The following MEIS1 variants were observed in gnomAD, a reference collection of about 807,000 sequenced individuals.
MEIS1 encodes the protein Meis homeobox 1.
Under a neutral mutation model 50.8 loss-of-function variants are expected in MEIS1, and 5 were observed. The ratio of observed to expected loss-of-function variants is 0.10; its 90% CI spans 0.05 to 0.21. MEIS1 has a LOEUF of 0.21. Among genes scored for constraint, MEIS1 ranks in the 10% least tolerant of loss-of-function variants. MEIS1 has a pLI of 1.00. For missense variants in MEIS1, 318 were observed against 517.3 expected (o/e 0.61, Z 3.74); for synonymous variants, 176 against 179.3 (o/e 0.98, Z 0.15).
intron 9 of MEIS1, among the ~76,000 whole-genome samples, chr2:66,549,539 A>T (rs1183433446): frequency 1.3e-5 from 2 of 152,114 alleles, no homozygotes; most frequent in Non-Finnish European, 2.9e-5. Context: ...TTGAAATATA[A>T]TATCCTGGAT....
chr2:66,464,999 C>A (rs1166978825), intron 7 of MEIS1, among the ~76,000 whole-genome samples: 1 of 152,136 alleles, frequency 6.6e-6, no homozygotes, highest in Non-Finnish European at 1.5e-5. Context: ...AAAGAGAATT[C>A]TTTATCTGAA....
intron 7 of MEIS1, among the ~76,000 whole-genome samples, chr2:66,510,656 T>G (rs1353871145): frequency 2.0e-5 from 3 of 152,160 alleles, no homozygotes; most frequent in African/African-American, 7.2e-5. Flanking sequence ...CAACAAACTT[T>G]CTAAACTTCA....
intron 8 of MEIS1, among the ~76,000 whole-genome samples, chr2:66,542,337 C>T (rs1674675907): frequency 6.6e-6 from 1 of 151,770 alleles, no homozygotes; most frequent in Non-Finnish European, 1.5e-5. Context: ...GAGTTTAGCT[C>T]AAGGTCAACT....
At chr2:66,567,749 TCA>T (rs1419417704) in intron 10 of MEIS1, 10 of 636,276 alleles carry the variant, frequency 1.6e-5, no homozygotes, top group South Asian at 1.5e-4. Flanking sequence ...AATAATATGC[TCA>T]GTTACAATAT....
intron 7 of MEIS1, among the ~76,000 whole-genome samples, chr2:66,509,906 C>G (rs932829086): frequency 1.3e-5 from 2 of 152,186 alleles, no homozygotes. Flanking sequence ...AATGAATTCT[C>G]TTCTAGGCAG....
chr2:66,551,193 T>G (rs1358042732), intron 9 of MEIS1, among the ~76,000 whole-genome samples: 1 of 152,170 alleles, frequency 6.6e-6, no homozygotes, highest in East Asian at 1.9e-4. Context: ...AAGTTAGGCT[T>G]TGACTGAAAA....
At chr2:66,518,847 T>G (rs1293448705) in intron 8 of MEIS1, among the ~76,000 whole-genome samples, 1 of 152,160 alleles carries the variant, frequency 6.6e-6, no homozygotes, top group African/African-American at 2.4e-5. Context: ...CACAGGAAAA[T>G]CAGATAGATT....
chr2:66,494,384 ATTTTTCTACTGCCTCCCCT>A (rs1394194116), intron 7 of MEIS1, among the ~76,000 whole-genome samples: 3 of 152,176 alleles, frequency 2.0e-5, no homozygotes, highest in African/African-American at 7.2e-5. Flanking sequence ...AGGCAAAGGT[ATTTTTCTACTGCCTCCCCT>A]TCCCACAAAC....
At chr2:66,530,632 C>T (rs952380934) in intron 8 of MEIS1, among the ~76,000 whole-genome samples, 4 of 151,888 alleles carry the variant, frequency 2.6e-5, no homozygotes, top group Admixed American at 6.6e-5. Flanking sequence ...AGGAGAATGG[C>T]GTGAACCTGG....
At position 66,439,903 on chromosome 2, in the gene MEIS1, C is replaced by T. The variant is rs1397363316; in HGVS notation, c.300C>T (p.Thr100=). 1.9e-6 allele frequency: 3 copies of T among 1,613,794 alleles called. No individual in the cohort carries two copies. Among genetic ancestry groups the T allele is most frequent in the Non-Finnish European group, 2.5e-6 (3 of 1,179,838 alleles). The part of the protein sequence containing the change: ...IFEKCELATC[T]PREPGVAGGD... ...AGAAATGTGAATTAGCTACTTGTAC[C>T]CCCCGCGAGCCGGGGGTGGCGGGCG... is the stretch of plus-strand genomic sequence containing the variant. The change falls in exon 3 of 13, where the codon ACC becomes ACT. Residue 100 remains threonine (T), a synonymous_variant. Coordinates refer to ENST00000272369, the MANE Select transcript of MEIS1 (RefSeq NM_002398.3).
intron 8 of MEIS1, among the ~76,000 whole-genome samples, chr2:66,512,758 T>C (rs1363933322): frequency 1.3e-5 from 2 of 152,188 alleles, no homozygotes; most frequent in Non-Finnish European, 2.9e-5. Context: ...TTTTAAGTGG[T>C]TTGAATGCAC....
chr2:66,540,700 T>A (rs1674630187), intron 8 of MEIS1, among the ~76,000 whole-genome samples: 1 of 152,216 alleles, frequency 6.6e-6, no homozygotes, highest in African/African-American at 2.4e-5. Flanking sequence ...TCAACATAAT[T>A]TTAGCATCCT....
intron 7 of MEIS1, among the ~76,000 whole-genome samples, chr2:66,485,269 G>A (rs975030842): frequency 6.6e-5 from 10 of 151,464 alleles, no homozygotes; most frequent in African/African-American, 2.2e-4. Context: ...ACCCCACCCC[G>A]ACAGGCCCCA....
intron 8 of MEIS1, among the ~76,000 whole-genome samples, chr2:66,522,312 TA>T (rs1406064180): frequency 6.6e-6 from 1 of 152,196 alleles, no homozygotes; most frequent in African/African-American, 2.4e-5. Context: ...TCAAATCTGT[TA>T]CTACGTGCCC....
At chr2:66,515,515 T>C (rs1325471523) in intron 8 of MEIS1, among the ~76,000 whole-genome samples, 1 of 152,208 alleles carries the variant, frequency 6.6e-6, no homozygotes, top group African/African-American at 2.4e-5. Flanking sequence ...CACATTTTAC[T>C]ACTCCAAAGA....
At chr2:66,455,314 T>C (rs909682756) in intron 6 of MEIS1, among the ~76,000 whole-genome samples, 2 of 152,202 alleles carry the variant, frequency 1.3e-5, no homozygotes, top group African/African-American at 2.4e-5. Flanking sequence ...CTTTGTAATT[T>C]GGCTGAATGT....
intron 9 of MEIS1, among the ~76,000 whole-genome samples, chr2:66,556,827 C>A (rs1675077819): frequency 6.6e-6 from 1 of 151,430 alleles, no homozygotes; most frequent in African/African-American, 2.4e-5. Flanking sequence ...AGGATCTCAG[C>A]CCCCTGGCTG....
intron 8 of MEIS1, among the ~76,000 whole-genome samples, chr2:66,544,105 A>G (rs1674727683): frequency 6.6e-6 from 1 of 152,182 alleles, no homozygotes; most frequent in Non-Finnish European, 1.5e-5. Flanking sequence ...CCCTAAAAAC[A>G]GCACTTCTCG....
intron 9 of MEIS1, among the ~76,000 whole-genome samples, chr2:66,552,577 T>G (rs1282313793): frequency 6.6e-6 from 1 of 152,244 alleles, no homozygotes; most frequent in Non-Finnish European, 1.5e-5. Flanking sequence ...TTATTTCATT[T>G]ATTGCTTTCA....
Sources: gnomAD v4.1 joint callset for allele counts (sites outside exome capture counted in the v4.1 genomes callset) on GRCh38, gnomAD v4.1.1 for gene constraint, MANE v1.5 for transcripts, NCBI Gene and HGNC (gene_info 2026-07-23, HGNC 2026-07-21) for gene names.